Variants in MNDA observed in about 807,000 individuals in gnomAD.
The protein encoded by MNDA is epididymis secretory sperm binding protein.
A neutral mutation model predicts 37.8 loss-of-function variants in MNDA; 43 were observed. That is an observed-to-expected ratio of 1.14 (90% confidence interval 0.89 to 1.47). The LOEUF (loss-of-function observed/expected upper bound fraction) is 1.47. MNDA is among the 40% of genes most tolerant of loss of function. The pLI is 0.00. For missense variants in MNDA, 536 were observed against 476.0 expected (o/e 1.13, Z -1.17); for synonymous variants, 181 against 169.0 (o/e 1.07, Z -0.55).
At chr1:158,845,053 GCTTT>G (rs1389048416) in intron 4 of MNDA, among the ~76,000 whole-genome samples, 2 of 152,086 alleles carry the variant, frequency 1.3e-5, no homozygotes, top group East Asian at 3.9e-4. Flanking sequence ...GTTACCTTAG[GCTTT>G]CAGTAGCTAA....
chr1:158,841,795 C>T (rs1217260945), intron 1 of MNDA, among the ~76,000 whole-genome samples: 3 of 152,094 alleles, frequency 2.0e-5, no homozygotes, highest in Admixed American at 2.0e-4. Flanking sequence ...GGGATAGGCT[C>T]AGGCCCCAAT....
chr1:158,843,087 A>C (rs1375655938), intron 2 of MNDA, among the ~76,000 whole-genome samples, 192 bp from the exon 3 acceptor site: 1 of 152,192 alleles, frequency 6.6e-6, no homozygotes, highest in East Asian at 1.9e-4. Context: ...GAGGAGAATG[A>C]GACAGTGCCT....
intron 1 of MNDA, among the ~76,000 whole-genome samples, chr1:158,834,318 C>T (rs1158958635): frequency 6.6e-6 from 1 of 150,564 alleles, no homozygotes; most frequent in Non-Finnish European, 1.5e-5. Context: ...CTGCAAGCTC[C>T]GCCTCCCGGG....
chr1:158,849,440 G>C lies in MNDA; in HGVS notation c.*203G>C, dbSNP rs1358431069. ...CTTCTTATACTCTTCCTTTTTTTTA[G>C]ATATTACATTTTGCTTTTATGACAT... On this transcript the variant is annotated 3_prime_UTR_variant, in exon 7 of 7. Coordinates refer to ENST00000368141, the MANE Select transcript of MNDA (RefSeq NM_002432.3). 2.1e-6 allele frequency: 1 copy of C among 477,970 alleles called. No individual in the cohort carries two copies. Among genetic ancestry groups the C allele is most frequent in the Non-Finnish European group, 3.7e-6 (1 of 266,726 alleles). The allele number at this position is 477,970 out of a possible 1,614,324, so 29.6% of individuals were successfully genotyped here.
At chr1:158,835,699 T>A (rs1207292593) in intron 1 of MNDA, among the ~76,000 whole-genome samples, 1 of 151,908 alleles carries the variant, frequency 6.6e-6, no homozygotes, top group East Asian at 1.9e-4. Context: ...TTTCCTGATG[T>A]TTCAGGAGCA....
Position 158,847,821 on chromosome 1 carries a change from T to C in MNDA, c.1081T>C (p.Cys361Arg). ...VGSGKWHNIK[C>R]EKGDKLRLFC... ...GAGTGGAAAATGGCACAATATCAAG[T>C]GTGAGAAAGGAGATAAACTTCGACT... Residue 361 changes from cysteine (C) to arginine (R), a missense_variant, in exon 6 of 7, where the codon TGT becomes CGT. By Grantham distance (180) the Cys-to-Arg change is radical. Transcript: ENST00000368141. 1.9e-6 allele frequency: 3 copies of C among 1,613,964 alleles called. No homozygotes were observed. The highest frequency in any genetic ancestry group is 2.2e-5 in the South Asian group (2 of 91,080).
chr1:158,844,595 G>A (rs1659096225), intron 4 of MNDA, among the ~76,000 whole-genome samples: 1 of 150,998 alleles, frequency 6.6e-6, no homozygotes, highest in Non-Finnish European at 1.5e-5. Flanking sequence ...ATACACAGTC[G>A]AGGACATAGC....
intron 1 of MNDA, among the ~76,000 whole-genome samples, chr1:158,832,951 G>A (rs1330536240): frequency 6.6e-6 from 1 of 151,882 alleles, no homozygotes; most frequent in East Asian, 1.9e-4. Flanking sequence ...TCAATTTATA[G>A]CACTTATTCT....
chr1:158,839,729 A>G (rs1410194316), intron 1 of MNDA, among the ~76,000 whole-genome samples: 13 of 152,204 alleles, frequency 8.5e-5, no homozygotes, highest in Non-Finnish European at 1.5e-5. Context: ...AAAAACACCT[A>G]GAAGTTTTCC....
chr1:158,848,982 A>G (rs981401933), intron 6 of MNDA, among the ~76,000 whole-genome samples: 7 of 152,186 alleles, frequency 4.6e-5, no homozygotes, highest in African/African-American at 1.7e-4. Flanking sequence ...AGGAAGGAAA[A>G]AGACAAACAG....
At position 158,849,384 on chromosome 1, in the gene MNDA, T is replaced by C. The variant is rs1248696605; in HGVS notation, c.*147T>C. 7.1e-6 allele frequency: 4 copies of C among 561,602 alleles called. No homozygotes were observed. Among genetic ancestry groups the C allele is most frequent in the Non-Finnish European group, 1.2e-5 (4 of 343,658 alleles). 34.8% of individuals were successfully genotyped at this position (561,602 alleles called of 1,614,324 possible). ...ATTAAGAGCTTTTATAACTGAGTTA[T>C]AGATTAGTTTGCTTTCTGGAATAAA... is the stretch of plus-strand genomic sequence containing the variant. On this transcript the variant is annotated 3_prime_UTR_variant, in exon 7 of 7. Transcript: ENST00000368141.
At chr1:158,842,094 G>C (rs976672150) in intron 1 of MNDA, 40 bp from the exon 2 acceptor site, 1 of 1,509,862 alleles carries the variant, frequency 6.6e-7, no homozygotes, top group African/African-American at 1.4e-5. Flanking sequence ...AAAATTGTCT[G>C]CATAAATGTG....
chr1:158,844,752 T>A (rs1032423005), intron 4 of MNDA, among the ~76,000 whole-genome samples: 4 of 152,022 alleles, frequency 2.6e-5, no homozygotes, highest in African/African-American at 7.2e-5. Context: ...GAATTTCTAA[T>A]GAATGTTTGA....
chr1:158,836,675 CT>C (rs541019117), intron 1 of MNDA, among the ~76,000 whole-genome samples: 89 of 151,502 alleles, frequency 5.9e-4, no homozygotes, highest in African/African-American at 1.9e-3. Context: ...AAAACCAACT[CT>C]TTTTTTTATT....
At chr1:158,837,824 T>A (rs1325117758) in intron 1 of MNDA, among the ~76,000 whole-genome samples, 1 of 150,124 alleles carries the variant, frequency 6.7e-6, no homozygotes, top group African/African-American at 2.4e-5. Context: ...TTTTTGTTGA[T>A]TTTTTTCTGT....
Position 158,837,346 on chromosome 1 carries a change from C to T in MNDA, c.-20-4788C>T, listed in dbSNP as rs578055006. On this transcript the variant is annotated intron_variant, in intron 1 of 6. Coordinates refer to ENST00000368141, the MANE Select transcript of MNDA (RefSeq NM_002432.3). ...TATTACCTTAGAGTTGTCTATTTCTCCCTTCAATTCTGTAAATGTTTCATA... is the reference window on the plus strand; with the variant it reads ...TATTACCTTAGAGTTGTCTATTTCTTCCTTCAATTCTGTAAATGTTTCATA... 1.5e-4 allele frequency among the ~76,000 whole-genome samples: 23 copies of T among 151,858 alleles called. No homozygotes were observed. The Middle Eastern group carries it at 0.014, about 90-fold the overall frequency.
At chr1:158,843,923 C>G in intron 3 of MNDA, 32 bp from the exon 4 acceptor site, 1 of 1,538,204 alleles carries the variant, frequency 6.5e-7, no homozygotes, top group Non-Finnish European at 8.8e-7. Context: ...TGATACTAAA[C>G]TCCATTAACA....
chr1:158,841,042 G>A (rs1298989954), intron 1 of MNDA, among the ~76,000 whole-genome samples: 2 of 152,118 alleles, frequency 1.3e-5, no homozygotes, highest in Non-Finnish European at 2.9e-5. Flanking sequence ...GGGTTAAAGA[G>A]GCACACATAA....
intron 1 of MNDA, among the ~76,000 whole-genome samples, chr1:158,832,069 G>T (rs1023085896): frequency 6.6e-6 from 1 of 151,964 alleles, no homozygotes; most frequent in Non-Finnish European, 1.5e-5. Flanking sequence ...TCATGAATCA[G>T]TTTCATTTTA....
Sources: gnomAD v4.1 joint callset for allele counts (sites outside exome capture counted in the v4.1 genomes callset) on GRCh38, gnomAD v4.1.1 for gene constraint, MANE v1.5 for transcripts, NCBI Gene and HGNC (gene_info 2026-07-23, HGNC 2026-07-21) for gene names.